The following HEG1 variants were observed in gnomAD, a reference collection of about 807,000 sequenced individuals.
The protein encoded by HEG1 is protein HEG homolog 1.
Under a neutral mutation model 125.6 loss-of-function variants are expected in HEG1, and 56 were observed. That is an observed-to-expected ratio of 0.45 (90% CI 0.36 to 0.56). The LOEUF is 0.56. Among genes scored for constraint, HEG1 ranks in the 20% least tolerant of loss-of-function variants. The probability of loss-of-function intolerance (pLI) is 0.00; values close to 1 mark genes in which losing one functional copy is unlikely to be tolerated. For missense variants in HEG1, 1,523 were observed against 1,670.0 expected, an observed-to-expected ratio of 0.91 and a Z score of 1.53; for synonymous variants, 644 against 668.5, an observed-to-expected ratio of 0.96 and a Z score of 0.57.
intron 15 of HEG1, among the ~76,000 whole-genome samples, chr3:124,976,630 C>G (rs1327781815): frequency 6.6e-6 from 1 of 151,912 alleles, no homozygotes; most frequent in Non-Finnish European, 1.5e-5. Context: ...ATAGTTTGTC[C>G]CCACCCAGTC....
intron 1 of HEG1, among the ~76,000 whole-genome samples, chr3:125,045,316 CA>C (rs1212839798): frequency 6.6e-6 from 1 of 152,216 alleles, no homozygotes; most frequent in Non-Finnish European, 1.5e-5. Flanking sequence ...GGCCTCCTGG[CA>C]AAATCAGCTC....
intron 14 of HEG1, among the ~76,000 whole-genome samples, chr3:124,989,875 T>A (rs1046109684): frequency 1.3e-5 from 2 of 152,078 alleles, no homozygotes; most frequent in African/African-American, 4.8e-5. Flanking sequence ...TTGATTAGAG[T>A]CTACACTCCT....
chr3:124,997,536 C>A (rs1936940156), intron 12 of HEG1, among the ~76,000 whole-genome samples, 153 bp downstream of exon 12: 1 of 152,198 alleles, frequency 6.6e-6, no homozygotes, highest in Non-Finnish European at 1.5e-5. Context: ...ATAATGTATT[C>A]AATCCTGCCA....
chr3:124,975,681 C>T, intron 15 of HEG1, among the ~76,000 whole-genome samples: 1 of 152,212 alleles, frequency 6.6e-6, no homozygotes, highest in East Asian at 1.9e-4. Context: ...CCAATTCTCC[C>T]CTTTTCCCCA....
chr3:125,041,240 T>C (rs1937591641), intron 1 of HEG1, among the ~76,000 whole-genome samples: 1 of 152,194 alleles, frequency 6.6e-6, no homozygotes, highest in Non-Finnish European at 1.5e-5. Context: ...GTTACCTGGA[T>C]TGTCTCTGGT....
At chr3:125,036,766 CT>C (rs1313446910) in intron 1 of HEG1, among the ~76,000 whole-genome samples, 2 of 152,216 alleles carry the variant, frequency 1.3e-5, no homozygotes, top group Non-Finnish European at 2.9e-5. Context: ...TTTTACATTA[CT>C]TTTGTATTTT....
intron 1 of HEG1, among the ~76,000 whole-genome samples, chr3:125,052,563 A>G (rs1028848990): frequency 2.6e-5 from 4 of 152,186 alleles, no homozygotes; most frequent in African/African-American, 9.7e-5. Flanking sequence ...TCATCTGCAG[A>G]TCTCACAATT....
intron 12 of HEG1, among the ~76,000 whole-genome samples, chr3:124,993,807 G>T (rs1490741294): frequency 6.6e-6 from 1 of 152,190 alleles, no homozygotes; most frequent in African/African-American, 2.4e-5. Context: ...TCCATCTGTT[G>T]TCCTGCCCGC....
chr3:124,996,907 C>G (rs148801633), intron 12 of HEG1, among the ~76,000 whole-genome samples: 5 of 152,102 alleles, frequency 3.3e-5, no homozygotes, highest in South Asian at 4.1e-4. Context: ...AGTCAGGGTG[C>G]GTGGTGCTCT....
rs775835814 is a variant in HEG1, at chr3:125,009,720, CT to C, written c.3177del (p.Ile1061TyrfsTer9). ...AGTCTCTTACCCAAATTGCATATCC[CT>C]TTTTCCAACTGGTACCCAACCGGGC... is the stretch of plus-strand genomic sequence containing the variant. ...CKCPVGYQLE[K>X]GICNLVRTFV... On this transcript the variant is annotated frameshift_variant, in exon 8 of 17. Coordinates refer to ENST00000311127, the MANE Select transcript of HEG1 (RefSeq NM_020733.2). LOFTEE classifies it high-confidence loss of function. 1.2e-6 allele frequency: 2 copies of C among 1,612,512 alleles called. No homozygotes were observed. Among genetic ancestry groups the C allele is most frequent in the South Asian group, 1.1e-5 (1 of 90,814 alleles).
rs766439224 is a variant in HEG1, at chr3:124,997,755, C to T, written c.3586G>A (p.Gly1196Ser). The T allele has an allele frequency of 1.3e-6, 2 of 1,597,414 alleles. No homozygotes were observed. The highest frequency in any genetic ancestry group is 1.3e-5 in the African/African-American group (1 of 74,822). ...KDTSICTDLD[G>S]VALCQCKSGY... ...GACTTGCACTGGCACAGGGCAACGC[C>T]GTCCAGGTCAGTGCAGATGGAGGTG... The change falls in exon 12 of 17, where the codon GGC becomes AGC. Residue 1196 changes from glycine to serine, a missense_variant. By Grantham distance (56) the Gly-to-Ser change is moderately conservative. Transcript: ENST00000311127.
chr3:124,981,251 G>GT (rs58212413), intron 14 of HEG1, among the ~76,000 whole-genome samples: 63 of 139,426 alleles, frequency 4.5e-4, no homozygotes, highest in East Asian at 4.1e-4. Context: ...TTTTTTTAAA[G>GT]TTTTTTTTTT....
chr3:125,054,526 A>T (rs998174838), intron 1 of HEG1, among the ~76,000 whole-genome samples: 9 of 152,200 alleles, frequency 5.9e-5, no homozygotes, highest in Admixed American at 6.5e-5. Flanking sequence ...ACTTAAATGA[A>T]TTGTCAATTA....
chr3:125,012,790 T>C lies in HEG1; in HGVS notation c.2789A>G (p.Lys930Arg), dbSNP rs1033831434. The C allele has an allele frequency of 6.2e-7, 1 of 1,614,036 alleles. No homozygotes were observed. The highest frequency in any genetic ancestry group is 8.5e-7 in the Non-Finnish European group (1 of 1,179,892). ...GCTGTACTCTGCTGTAACGCCAAGC[T>C]TTGTGGTCATTTCTTTTGCTGATGT... ...VPTSAKEMTTKLGVTAEYSPA... is the reference protein window; with the variant it reads ...VPTSAKEMTTRLGVTAEYSPA... Residue 930 changes from lysine to arginine, a missense_variant, in exon 6 of 17, where the codon AAG becomes AGG. By Grantham distance (26) the Lys-to-Arg change is conservative. Transcript: ENST00000311127.
At chr3:125,051,875 G>A (rs568045980) in intron 1 of HEG1, among the ~76,000 whole-genome samples, 1 of 152,286 alleles carries the variant, frequency 6.6e-6, no homozygotes, top group South Asian at 2.1e-4. Context: ...CCAGCTGGGC[G>A]GGGCTGCTGG....
In HEG1 at chr3:125,037,200, A is replaced by G. The variant is rs113118159; in HGVS notation, c.317-7712T>C. Among the ~76,000 whole-genome samples, 294 of 152,374 alleles carry G rather than the reference A, an allele frequency of 1.9e-3. 2 individuals are homozygous for G. The highest frequency in any genetic ancestry group is 6.8e-3 in the African/African-American group (284 of 41,594). ...TAAATTATAAAATAGTATGTATCAT[A>G]TGATTCCATGTTATTAAAAATATAT... On this transcript the variant is annotated intron_variant, in intron 1 of 16. Coordinates refer to ENST00000311127, the MANE Select transcript of HEG1 (RefSeq NM_020733.2).
At chr3:124,993,812 G>A (rs932264509) in intron 12 of HEG1, among the ~76,000 whole-genome samples, 5 of 152,168 alleles carry the variant, frequency 3.3e-5, no homozygotes, top group African/African-American at 1.2e-4. Context: ...CTGTTGTCCT[G>A]CCCGCGAGCT....
At position 124,996,038 on chromosome 3, in the gene HEG1, T is replaced by G. The variant is rs192419781; in HGVS notation, c.3652+1651A>C. On this transcript the variant is annotated intron_variant, in intron 12 of 16. Coordinates refer to ENST00000311127, the MANE Select transcript of HEG1 (RefSeq NM_020733.2). ...CAGCAGCACAGCGCCCCAACACACA[T>G]GGATGTTAGCCCAGTCCCCTTCCCA... Among the ~76,000 whole-genome samples, 3 of 151,916 alleles carry G rather than the reference T, an allele frequency of 2.0e-5. No homozygotes were observed. The East Asian group carries it at 5.8e-4, about 29-fold the overall frequency.
chr3:125,025,468 T>C (rs532291749), intron 3 of HEG1, among the ~76,000 whole-genome samples: 4 of 152,266 alleles, frequency 2.6e-5, no homozygotes, highest in South Asian at 2.1e-4. Flanking sequence ...AAAGATACGA[T>C]GAAACTCACC....
Sources: allele counts gnomAD v4.1 joint callset (sites outside exome capture counted in the v4.1 genomes callset), GRCh38; gene constraint gnomAD v4.1.1; transcripts MANE v1.5; gene names NCBI Gene and HGNC (gene_info 2026-07-23, HGNC 2026-07-21).